The following SHISA9 variants were observed in gnomAD, a reference collection of about 807,000 sequenced individuals.
The protein encoded by SHISA9 is shisa family member 9.
SHISA9 carries 13 observed loss-of-function variants against 38.0 expected under a neutral mutation model. The ratio of observed to expected loss-of-function variants is 0.34; its 90% CI spans 0.22 to 0.54. The LOEUF is 0.54. SHISA9 is among the 20% of genes least tolerant of loss of function. The pLI is 0.91. For missense variants in SHISA9, 538 were observed against 575.8 expected, an observed-to-expected ratio of 0.93 and a Z score of 0.67; for synonymous variants, 275 against 242.0, an observed-to-expected ratio of 1.14 and a Z score of -1.27.
At chr16:13,360,805 T>C in the SHISA9 span, among the ~76,000 whole-genome samples, 1 of 152,176 alleles carries the variant, frequency 6.6e-6, no homozygotes, top group African/African-American at 2.4e-5. Context: ...AGTCAGTGGA[T>C]AAATGCTTCA....
chr16:12,916,451 C>T (rs1178557678), intron 1 of SHISA9, among the ~76,000 whole-genome samples: 2 of 152,086 alleles, frequency 1.3e-5, no homozygotes, highest in Admixed American at 6.5e-5. Flanking sequence ...GTAGATAGTC[C>T]TGTTATTACA....
chr16:13,423,381 G>A, the SHISA9 span, among the ~76,000 whole-genome samples: 1 of 152,110 alleles, frequency 6.6e-6, no homozygotes, highest in Non-Finnish European at 1.5e-5. Context: ...AGAAAAGCAA[G>A]AAGAAGAAAT....
chr16:13,468,637 A>G, the SHISA9 span, among the ~76,000 whole-genome samples: 7 of 152,270 alleles, frequency 4.6e-5, no homozygotes, highest in South Asian at 1.5e-3. Flanking sequence ...AAGTAATAAG[A>G]GAACTCTAGG....
intron 2 of SHISA9, among the ~76,000 whole-genome samples, chr16:12,961,881 C>A (rs1329428222): frequency 6.6e-6 from 1 of 152,216 alleles, no homozygotes; most frequent in African/African-American, 2.4e-5. Context: ...CTACAGCTGG[C>A]CTTTCTCTGC....
At chr16:13,147,014 GTGAA>G (rs71147785) in intron 2 of SHISA9, among the ~76,000 whole-genome samples, 10 of 152,088 alleles carry the variant, frequency 6.6e-5, no homozygotes, top group African/African-American at 1.2e-4. Flanking sequence ...GGATGAATGA[GTGAA>G]TGAATGAATG....
the SHISA9 span, among the ~76,000 whole-genome samples, chr16:13,524,663 ATCC>A: frequency 6.6e-6 from 1 of 152,086 alleles, no homozygotes; most frequent in Non-Finnish European, 1.5e-5. Flanking sequence ...GGCTCAAGCA[ATCC>A]TCCTACCTCA....
chr16:13,422,404 A>C, the SHISA9 span, among the ~76,000 whole-genome samples: 11 of 152,170 alleles, frequency 7.2e-5, no homozygotes, highest in Non-Finnish European at 1.2e-4. Flanking sequence ...GATATAAGAC[A>C]ATTGGGTTAG....
At chr16:13,019,884 C>CTTCTTTCT (rs1166778591) in intron 2 of SHISA9, among the ~76,000 whole-genome samples, 26 of 20,906 alleles carry the variant, frequency 1.2e-3, no homozygotes, top group African/African-American at 1.5e-3. Context: ...CCCTCCCTCC[C>CTTCTTTCT]TTCTTTCTTT....
intron 4 of SHISA9, among the ~76,000 whole-genome samples, chr16:13,232,302 A>G (rs2051338953): frequency 6.6e-6 from 1 of 152,238 alleles, no homozygotes; most frequent in South Asian, 2.1e-4. Flanking sequence ...AAATTAAAAT[A>G]AAATAAAAGG....
At chr16:12,946,636 A>C (rs1160774655) in intron 2 of SHISA9, among the ~76,000 whole-genome samples, 2 of 152,284 alleles carry the variant, frequency 1.3e-5, no homozygotes, top group East Asian at 1.9e-4. Flanking sequence ...GGTGTTTTGA[A>C]CTTTTGTGTC....
intron 2 of SHISA9, among the ~76,000 whole-genome samples, chr16:13,194,214 TAA>T (rs34522096): frequency 2.7e-5 from 4 of 150,684 alleles, no homozygotes; most frequent in East Asian, 3.9e-4. Flanking sequence ...AGGTGGAGAT[TAA>T]AAAAAAAAAT....
At chr16:12,962,123 G>T (rs537541660) in intron 2 of SHISA9, among the ~76,000 whole-genome samples, 15 of 152,340 alleles carry the variant, frequency 9.8e-5, no homozygotes, top group African/African-American at 3.4e-4. Flanking sequence ...CGATGCGAAG[G>T]CACTGCTGTC....
chr16:13,295,616 T>A, the SHISA9 span, among the ~76,000 whole-genome samples: 1 of 152,062 alleles, frequency 6.6e-6, no homozygotes, highest in East Asian at 1.9e-4. Context: ...AGCTGGGGTC[T>A]TTTCACCTCG....
At chr16:13,243,228 G>A (rs977431368), downstream of SHISA9, among the ~76,000 whole-genome samples, 1 of 150,822 alleles carries the variant, frequency 6.6e-6, no homozygotes, top group East Asian at 1.9e-4. Context: ...GTGACAGTGC[G>A]AGACTCTGTC....
chr16:13,369,052 C>T, the SHISA9 span, among the ~76,000 whole-genome samples: 1 of 151,996 alleles, frequency 6.6e-6, no homozygotes, highest in Non-Finnish European at 1.5e-5. Context: ...TATAATGGAA[C>T]ATTAGACAAC....
At chr16:13,322,882 C>A in the SHISA9 span, among the ~76,000 whole-genome samples, 7 of 152,110 alleles carry the variant, frequency 4.6e-5, no homozygotes, top group Admixed American at 3.9e-4. Context: ...GGAGATACTA[C>A]CACCCAATAA....
chr16:12,904,132 G>A (rs372832738), intron 1 of SHISA9, among the ~76,000 whole-genome samples: 1 of 152,040 alleles, frequency 6.6e-6, no homozygotes, highest in Non-Finnish European at 1.5e-5. Context: ...GCAACCACAG[G>A]GTGGCCTGTC....
the SHISA9 span, among the ~76,000 whole-genome samples, chr16:13,365,386 GTGCCAGGCATCA>G: frequency 6.6e-6 from 1 of 151,558 alleles, no homozygotes; most frequent in Admixed American, 6.6e-5. Flanking sequence ...CATGTGATGT[GTGCCAGGCATCA>G]TGCTAAACAT....
chr16:13,458,845 GT>G, the SHISA9 span: 1 of 181,878 alleles, frequency 5.5e-6, no homozygotes, highest in Non-Finnish European at 1.1e-5. Context: ...GGGTTTTTTT[GT>G]TTTGTTTTGT....
Sources: allele counts gnomAD v4.1 joint callset (sites outside exome capture counted in the v4.1 genomes callset), GRCh38; gene constraint gnomAD v4.1.1; transcripts MANE v1.5; gene names NCBI Gene and HGNC (gene_info 2026-07-23, HGNC 2026-07-21).